ACP3: variants seen among roughly 807,000 people sequenced by gnomAD.
ACP3 encodes the protein prostatic acid phosphatase.
A neutral mutation model predicts 45.6 loss-of-function variants in ACP3; 38 were observed. The observed-to-expected ratio is 0.83, with a 90% CI of 0.64 to 1.09. ACP3 has a LOEUF of 1.09. ACP3 is among the 50% of genes least tolerant of loss of function. ACP3 has a pLI of 0.00. For missense variants in ACP3, 466 were observed against 463.2 expected (o/e 1.01, Z -0.05); for synonymous variants, 162 against 164.7 (o/e 0.98, Z 0.13).
intron 1 of ACP3, among the ~76,000 whole-genome samples, chr3:132,320,955 A>G (rs1295203433): frequency 2.0e-5 from 3 of 152,098 alleles, no homozygotes; most frequent in Admixed American, 2.0e-4. Flanking sequence ...CTGGCATAAT[A>G]TGATATTCTT....
At chr3:132,344,878 A>G in intron 6 of ACP3, 49 bp from the exon 7 acceptor site, 1 of 1,596,756 alleles carries the variant, frequency 6.3e-7, no homozygotes, top group Non-Finnish European at 8.5e-7. Flanking sequence ...AACAAAGAGG[A>G]CAGTCATATA....
rs1221825564 is a variant in ACP3, at chr3:132,358,261, T to C, written c.*1383T>C. Reference sequence around the variant, plus strand: ...AGGAAGGAAGGGACACATATCAAACTGAAACAAAATTAGAAATGTAATTAT... The same window carrying C: ...AGGAAGGAAGGGACACATATCAAACCGAAACAAAATTAGAAATGTAATTAT... On this transcript the variant is annotated 3_prime_UTR_variant, in exon 10 of 10. Coordinates refer to ENST00000336375, the MANE Select transcript of ACP3 (RefSeq NM_001099.5). The C allele has an allele frequency of 1.8e-6, 2 of 1,120,890 alleles. No homozygotes were observed. The highest frequency in any genetic ancestry group is 2.1e-5 in the South Asian group (1 of 47,298). The allele number at this position is 1,120,890 out of a possible 1,614,324, so 69.4% of individuals were successfully genotyped here.
rs138134057 is a variant in ACP3, at chr3:132,355,815, C to T, written c.969-871C>T. ...ACAGGCGTGAGCCACTGCGCCCAGCCTTATAGACATAAGTGAATATTTGCT... is the reference window on the plus strand; with the variant it reads ...ACAGGCGTGAGCCACTGCGCCCAGCTTTATAGACATAAGTGAATATTTGCT... On this transcript the variant is annotated intron_variant, in intron 9 of 9. Transcript: ENST00000336375. Among the ~76,000 whole-genome samples, 333 of 152,322 alleles carry T rather than the reference C, an allele frequency of 2.2e-3. 2 individuals carry two copies. The highest frequency in any genetic ancestry group is 7.3e-3 in the African/African-American group (305 of 41,570).
intron 9 of ACP3, among the ~76,000 whole-genome samples, chr3:132,356,184 C>T (rs1219503143): frequency 6.6e-6 from 1 of 152,090 alleles, no homozygotes; most frequent in African/African-American, 2.4e-5. Context: ...TATATTCAAG[C>T]ACATATGTTA....
At chr3:132,329,873 A>G (rs1056960832) in intron 2 of ACP3, among the ~76,000 whole-genome samples, 20 of 151,470 alleles carry the variant, frequency 1.3e-4, no homozygotes, top group Non-Finnish European at 2.7e-4. Context: ...ATTTGAAGTG[A>G]CAAGGTTCTA....
intron 5 of ACP3, 47 bp from the exon 6 acceptor site, chr3:132,342,505 G>C (rs754939064): frequency 7.5e-7 from 1 of 1,325,950 alleles, no homozygotes; most frequent in South Asian, 1.2e-5. Context: ...TAATGCTGAA[G>C]CTGAGAAACC....
chr3:132,337,675 T>C (rs546398035), intron 5 of ACP3, 121 bp downstream of exon 5: 108 of 605,240 alleles, frequency 1.8e-4, no homozygotes, highest in African/African-American at 1.7e-3. Context: ...CATCTGTCAG[T>C]GGCTGGTTAC....
At chr3:132,322,617 C>CA (rs1449452093) in intron 1 of ACP3, among the ~76,000 whole-genome samples, 1 of 152,160 alleles carries the variant, frequency 6.6e-6, no homozygotes, top group African/African-American at 2.4e-5. Context: ...GATGTGTCTC[C>CA]AATTCCAAAC....
intron 4 of ACP3, among the ~76,000 whole-genome samples, chr3:132,335,403 G>A (rs1245141008): frequency 1.3e-5 from 2 of 152,082 alleles, no homozygotes; most frequent in African/African-American, 4.8e-5. Flanking sequence ...GGTAAGACAA[G>A]GTGACACACA....
At position 132,344,909 on chromosome 3, in the gene ACP3, C is replaced by T. The variant is rs751266647; in HGVS notation, c.649-18C>T. Reference sequence around the variant, plus strand: ...ATATAAATACACATACATTTTTCTTCCTTTTTCTTTGCTACAGAGTGTTCA... The same window carrying T: ...ATATAAATACACATACATTTTTCTTTCTTTTTCTTTGCTACAGAGTGTTCA... On this transcript the variant is annotated intron_variant, in intron 6 of 9. Coordinates refer to ENST00000336375, the MANE Select transcript of ACP3 (RefSeq NM_001099.5). 17 of 1,610,622 alleles carry T rather than the reference C, an allele frequency of 1.1e-5. No homozygotes were observed. In the East Asian group the frequency reaches 1.8e-4, roughly 17 times the overall value.
chr3:132,353,601 C>T (rs1017689256), intron 9 of ACP3, among the ~76,000 whole-genome samples: 3 of 152,084 alleles, frequency 2.0e-5, no homozygotes, highest in African/African-American at 7.2e-5. Context: ...AGGCAGTGAC[C>T]CCAGAGTTTG....
chr3:132,345,846 T>C (rs953619963), intron 7 of ACP3, among the ~76,000 whole-genome samples: 3 of 152,114 alleles, frequency 2.0e-5, no homozygotes, highest in African/African-American at 7.2e-5. Flanking sequence ...TGTTGGGGCT[T>C]ATGAGAGAAA....
Position 132,357,440 on chromosome 3 carries a change from A to G in ACP3, c.*562A>G. The G allele has an allele frequency of 1.0e-6, 1 of 985,424 alleles. No individual in the cohort carries two copies. Among genetic ancestry groups the G allele is most frequent in the Non-Finnish European group, 1.2e-6 (1 of 829,886 alleles). The allele number at this position is 985,424 out of a possible 1,614,324, so 61.0% of individuals were successfully genotyped here. On this transcript the variant is annotated 3_prime_UTR_variant, in exon 10 of 10. Coordinates refer to ENST00000336375, the MANE Select transcript of ACP3 (RefSeq NM_001099.5). ...ACATCTGGAAAGTTTTCTCCACTGG[A>G]AAACTGCTACTATCTGTTTTTATAT...
intron 1 of ACP3, among the ~76,000 whole-genome samples, chr3:132,324,973 T>G (rs1166606827): frequency 6.6e-6 from 1 of 152,152 alleles, no homozygotes. Context: ...GTCTTTCTAT[T>G]ACAATTACCA....
At chr3:132,352,056 A>G (rs1559841361) in intron 8 of ACP3, among the ~76,000 whole-genome samples, 1 of 152,200 alleles carries the variant, frequency 6.6e-6, no homozygotes, top group Non-Finnish European at 1.5e-5. Flanking sequence ...TCTAGCATTA[A>G]TGTGTTTCAA....
chr3:132,359,207 C>T (rs1242843134), downstream of ACP3, among the ~76,000 whole-genome samples: 1 of 152,168 alleles, frequency 6.6e-6, no homozygotes, highest in Non-Finnish European at 1.5e-5. Context: ...AAGGTAGCAA[C>T]TGTACCACGT....
intron 4 of ACP3, chr3:132,333,526 C>A (rs1281221528): frequency 6.6e-6 from 1 of 152,546 alleles, no homozygotes; most frequent in Non-Finnish European, 1.5e-5. Context: ...CTGCCAGTAC[C>A]CCTAGAAATT....
Position 132,331,713 on chromosome 3 carries a change from G to T in ACP3, c.283G>T (p.Glu95Ter). Residue 95 changes from glutamate (E) to a stop codon, truncating the protein, a stop_gained, in exon 3 of 10, where the codon GAG (glutamate) becomes TAG (stop). Transcript: ENST00000336375. LOFTEE classifies it high-confidence loss of function. ...AAAGAGATATAGAAAATTCTTGAAT[G>T]AGTCCTATAAACATGAACAGGCAAG... ...IRKRYRKFLN[E>*]SYKHEQVYIR... 1 of 1,608,706 alleles carries T rather than the reference G, an allele frequency of 6.2e-7. No individual in the cohort carries two copies.
chr3:132,329,446 T>G (rs899334575), intron 2 of ACP3, among the ~76,000 whole-genome samples: 5 of 152,200 alleles, frequency 3.3e-5, no homozygotes, highest in African/African-American at 1.2e-4. Flanking sequence ...CTATATTTCA[T>G]AGAGGAGAAA....
Sources: gnomAD v4.1 joint callset for allele counts (sites outside exome capture counted in the v4.1 genomes callset) on GRCh38, gnomAD v4.1.1 for gene constraint, MANE v1.5 for transcripts, NCBI Gene and HGNC (gene_info 2026-07-23, HGNC 2026-07-21) for gene names.